Variants in RHEBL1 observed in about 807,000 individuals in gnomAD.
RHEBL1 encodes the protein RHEB like 1.
In RHEBL1, 22 loss-of-function variants were observed where a neutral mutation model predicts 27.4. The ratio of observed to expected loss-of-function variants is 0.80; its 90% CI spans 0.57 to 1.15. The LOEUF (loss-of-function observed/expected upper bound fraction) is 1.15. Ranked by LOEUF, RHEBL1 falls within the 50% of genes most tolerant of loss-of-function variation. The pLI is 0.00. For synonymous variants in RHEBL1, 85 were observed against 80.8 expected (o/e 1.05, Z -0.28); for missense variants, 186 against 226.5 (o/e 0.82, Z 1.15).
At position 49,069,688 on chromosome 12, in the gene RHEBL1, G is replaced by C. The variant is rs372754419; in HGVS notation, c.52+46C>G. 13 of 1,586,092 alleles carry C rather than the reference G, an allele frequency of 8.2e-6. No homozygotes were observed. In the African/African-American group the frequency reaches 1.5e-4, roughly 18 times the overall value. On this transcript the variant is annotated intron_variant, in intron 1 of 7. Coordinates refer to ENST00000301068, the MANE Select transcript of RHEBL1 (RefSeq NM_144593.3). ...TTCCCACGGCAGCGCGCCTCTTCTG[G>C]CTACAAAGCTGCTGCGCGTCCGAGC...
At position 49,065,342 on chromosome 12, in the gene RHEBL1, C is replaced by A. The variant is rs1186361985; in HGVS notation, c.462+8G>T. 1.9e-6 allele frequency: 3 copies of A among 1,612,636 alleles called. No individual in the cohort carries two copies. The highest frequency in any genetic ancestry group is 4.5e-5 in the East Asian group (2 of 44,878). On this transcript the variant is annotated splice_region_variant and intron_variant, in intron 7 of 7. Transcript: ENST00000301068. ...CATCACCACCCTTCTAGTCTTCAGG[C>A]CCAGCACCTGATTCTCTCGAGCAGA...
chr12:49,068,056 A>T (rs1939025658), intron 2 of RHEBL1, among the ~76,000 whole-genome samples: 1 of 151,620 alleles, frequency 6.6e-6, no homozygotes, highest in Non-Finnish European at 1.5e-5. Flanking sequence ...CAAACTATAT[A>T]TTTGTACCCA....
At chr12:49,067,848 T>G (rs552886521) in intron 2 of RHEBL1, among the ~76,000 whole-genome samples, 1 of 152,322 alleles carries the variant, frequency 6.6e-6, no homozygotes, top group South Asian at 2.1e-4. Flanking sequence ...AGTTTCAGGG[T>G]ACATGTGACA....
chr12:49,067,377 T>G (rs999164091), intron 2 of RHEBL1, among the ~76,000 whole-genome samples: 2 of 151,750 alleles, frequency 1.3e-5, no homozygotes, highest in African/African-American at 4.8e-5. Flanking sequence ...ACTCCTGGGC[T>G]CAAGCAATCC....
intron 1 of RHEBL1, among the ~76,000 whole-genome samples, 163 bp downstream of exon 1, chr12:49,069,571 C>G (rs796087162): frequency 2.1e-5 from 1 of 47,358 alleles, no homozygotes; most frequent in Non-Finnish European, 4.7e-5. Flanking sequence ...ACCACCAACT[C>G]TTCCAATCCT....
chr12:49,067,554 G>A (rs1203913961), intron 2 of RHEBL1, among the ~76,000 whole-genome samples: 1 of 151,868 alleles, frequency 6.6e-6, no homozygotes, highest in Non-Finnish European at 1.5e-5. Flanking sequence ...CAGGGCAGGC[G>A]GATCACTTAA....
intron 2 of RHEBL1, 63 bp from the exon 3 acceptor site, chr12:49,067,098 A>AT: frequency 2.3e-6 from 2 of 855,762 alleles, no homozygotes; most frequent in Non-Finnish European, 3.5e-6. Flanking sequence ...ATGTCCCCTG[A>AT]CTTTTTTTTT....
intron 3 of RHEBL1, 56 bp downstream of exon 3, chr12:49,066,912 G>T: frequency 7.1e-7 from 1 of 1,404,334 alleles, no homozygotes; most frequent in Non-Finnish European, 1.0e-6. Flanking sequence ...AAGACTACCA[G>T]ACTTCATCTC....
At position 49,069,116 on chromosome 12, in the gene RHEBL1, G is replaced by A; in HGVS notation, c.53-10C>T. The A allele has an allele frequency of 6.2e-7, 1 of 1,614,056 alleles. No individual in the cohort carries two copies. The highest frequency in any genetic ancestry group is 8.5e-7 in the Non-Finnish European group (1 of 1,179,930). ...GCCAAAGATGTCTTCCCTGTGGGGA[G>A]CAGTGTGACAGTTGTATCCAAATCA... On this transcript the variant is annotated splice_polypyrimidine_tract_variant and intron_variant, in intron 1 of 7. Transcript: ENST00000301068.
intron 2 of RHEBL1, among the ~76,000 whole-genome samples, chr12:49,068,067 T>C (rs547212936): frequency 8.5e-5 from 13 of 152,248 alleles, no homozygotes; most frequent in African/African-American, 2.6e-4. Flanking sequence ...TTTGTACCCA[T>C]TGATCAATTT....
rs375766892 is a variant in RHEBL1 at position 49,065,401 on chromosome 12, C to T, written c.411G>A (p.Leu137=). The T allele has an allele frequency of 1.3e-4, 209 of 1,614,062 alleles. No homozygotes were observed. Among genetic ancestry groups the T allele is most frequent in the Non-Finnish European group, 1.7e-4 (201 of 1,180,040 alleles). ...REVQAVEGKK[L]AESWGATFME... is the part of the protein sequence containing the mutation. ...TAAATGTCGCACCCCAGGACTCTGC[C>T]AGCTTCTTTCCTTCAACTGCCTGTA... is the stretch of plus-strand genomic sequence containing the variant. Residue 137 remains leucine (L), a synonymous_variant, in exon 7 of 8, where the codon CTG becomes CTA. Coordinates refer to ENST00000301068, the MANE Select transcript of RHEBL1 (RefSeq NM_144593.3).
In RHEBL1 at chr12:49,069,889, A is replaced by C. The variant is rs1592178934; in HGVS notation, c.-104T>G. ...GGCAGCTGGTGCAGGAAAGTCGCTC[A>C]CCCCGAAGCTGCCGTGGGCAAGTTA... On this transcript the variant is annotated 5_prime_UTR_variant, in exon 1 of 8. Transcript: ENST00000301068. The C allele has an allele frequency of 1.0e-6, 1 of 976,996 alleles. No homozygotes were observed. 60.5% of individuals were successfully genotyped at this position (976,996 alleles called of 1,614,324 possible). A position where few individuals can be genotyped will look rare whatever the true frequency, so the allele number is the denominator to read the frequency against.
In RHEBL1 at chr12:49,064,805, T is replaced by C. The variant is rs1938968163; in HGVS notation, c.*298A>G. 8.4e-6 allele frequency: 3 copies of C among 357,518 alleles called. No homozygotes were observed. Among genetic ancestry groups the C allele is most frequent in the Non-Finnish European group, 1.0e-5 (2 of 192,414 alleles). 22.1% of individuals were successfully genotyped at this position (357,518 alleles called of 1,614,324 possible). A position where few individuals can be genotyped will look rare whatever the true frequency, so the allele number is the denominator to read the frequency against. On this transcript the variant is annotated 3_prime_UTR_variant, in exon 8 of 8. Transcript: ENST00000301068. Reference sequence around the variant, plus strand: ...AAAACCCACCCAAGAGGATGGGTCCTGGATAAATAATGCCCAGGACTCATA... The same window carrying C: ...AAAACCCACCCAAGAGGATGGGTCCCGGATAAATAATGCCCAGGACTCATA...
At chr12:49,066,853 A>T in intron 3 of RHEBL1, 115 bp downstream of exon 3, 1 of 1,087,766 alleles carries the variant, frequency 9.2e-7, no homozygotes. Flanking sequence ...AGCCCTGCAT[A>T]CTGTTAGCAG....
At position 49,064,925 on chromosome 12, in the gene RHEBL1, G is replaced by T; in HGVS notation, c.*178C>A. 1.7e-6 allele frequency: 1 copy of T among 601,240 alleles called. No homozygotes were observed. The highest frequency in any genetic ancestry group is 3.0e-6 in the Non-Finnish European group (1 of 335,646). 37.2% of individuals were successfully genotyped at this position (601,240 alleles called of 1,614,324 possible). On this transcript the variant is annotated 3_prime_UTR_variant, in exon 8 of 8. Transcript: ENST00000301068. ...AGGTCCTTGCCCCTTTGTAAACATTGACATCCAGGCCACTGGAGCCTGGGG... is the reference window on the plus strand; with the variant it reads ...AGGTCCTTGCCCCTTTGTAAACATTTACATCCAGGCCACTGGAGCCTGGGG...
In RHEBL1 at chr12:49,066,669, G is replaced by T; in HGVS notation, c.225C>A (p.Ile75=). 6.2e-7 allele frequency: 1 copy of T among 1,614,132 alleles called. No homozygotes were observed. Residue 75 remains isoleucine (I), a synonymous_variant, in exon 4 of 8, where the codon ATC becomes ATA. Coordinates refer to ENST00000301068, the MANE Select transcript of RHEBL1 (RefSeq NM_144593.3). ...DEYSILPYSF[I]IGVHGYVLVY... ...CAAGCACATAACCATGGACCCCAATGATGAATGAATAGGGCAGAATGCTGT... is the reference window on the plus strand; with the variant it reads ...CAAGCACATAACCATGGACCCCAATTATGAATGAATAGGGCAGAATGCTGT...
chr12:49,068,966 G>T (rs1565840240), intron 2 of RHEBL1, 69 bp downstream of exon 2: 1 of 1,473,410 alleles, frequency 6.8e-7, no homozygotes. Flanking sequence ...ATAAATTATG[G>T]AGTTGGGTGG....
At position 49,066,960 on chromosome 12, in the gene RHEBL1, A is replaced by G; in HGVS notation, c.192+8T>C. 2.5e-6 allele frequency: 4 copies of G among 1,610,998 alleles called. No individual in the cohort carries two copies. The highest frequency in any genetic ancestry group is 1.1e-5 in the South Asian group (1 of 91,016). Reference sequence around the variant, plus strand: ...TGCCACATTTGGATACCATACCCCAACTGGTACCTGCCCTGCTGTGTCCAC... The same window carrying G: ...TGCCACATTTGGATACCATACCCCAGCTGGTACCTGCCCTGCTGTGTCCAC... On this transcript the variant is annotated splice_region_variant and intron_variant, in intron 3 of 7. Coordinates refer to ENST00000301068, the MANE Select transcript of RHEBL1 (RefSeq NM_144593.3).
At chr12:49,067,060 G>A in intron 2 of RHEBL1, 25 bp from the exon 3 acceptor site, 3 of 1,553,416 alleles carry the variant, frequency 1.9e-6, no homozygotes, top group Non-Finnish European at 2.7e-6. Flanking sequence ...AAACTTGACT[G>A]TGAAGTGCCT....
Sources: gnomAD v4.1 joint callset for allele counts (sites outside exome capture counted in the v4.1 genomes callset) on GRCh38, gnomAD v4.1.1 for gene constraint, MANE v1.5 for transcripts, NCBI Gene and HGNC (gene_info 2026-07-23, HGNC 2026-07-21) for gene names.